The following FRMPD4 variants were observed in gnomAD, a reference collection of about 807,000 sequenced individuals.
FRMPD4 encodes FERM and PDZ domain containing 4.
A neutral mutation model predicts 94.1 loss-of-function variants in FRMPD4; 22 were observed. That is an observed-to-expected ratio of 0.23 (90% CI 0.17 to 0.33). FRMPD4 has a LOEUF of 0.33. Among genes scored for constraint, FRMPD4 ranks in the 10% least tolerant of loss-of-function variants. The pLI is 1.00. For synonymous variants in FRMPD4, 631 were observed against 548.6 expected (o/e 1.15, Z -2.10); for missense variants, 1,111 against 1,339.9 (o/e 0.83, Z 2.67).
intron 1 of FRMPD4, among the ~76,000 whole-genome samples, chrX:12,228,268 C>T (rs1372127393): frequency 8.9e-6 from 1 of 112,397 alleles, no homozygotes; most frequent in Non-Finnish European, 1.9e-5. Context: ...TTAAACTTGT[C>T]TTTCCTAAAC....
At chrX:12,084,237 G>T (rs901965773) in intron 3 of FRMPD4, among the ~76,000 whole-genome samples, 4 of 107,286 alleles carry the variant, frequency 3.7e-5, no homozygotes, top group Non-Finnish European at 7.7e-5. Context: ...TCATGATAAT[G>T]AATAACTCTC....
intron 1 of FRMPD4, among the ~76,000 whole-genome samples, chrX:11,847,065 A>C (rs777263432): frequency 2.3e-3 from 249 of 107,258 alleles, no homozygotes; most frequent in African/African-American, 7.9e-3. Flanking sequence ...TCTGCACAGC[A>C]AAAGAAACTA....
chrX:12,452,635 A>T (rs10521625), intron 1 of FRMPD4, among the ~76,000 whole-genome samples: 4,811 of 112,286 alleles, frequency 0.043, 275 homozygotes, highest in African/African-American at 0.15. Flanking sequence ...CAAATTGAAT[A>T]TCAGTTAAAA....
chrX:12,696,586 C>CAAA (rs57877846), intron 9 of FRMPD4, among the ~76,000 whole-genome samples: 29 of 30,049 alleles, frequency 9.7e-4, no homozygotes, highest in African/African-American at 2.5e-3. Context: ...AAAAATGAAG[C>CAAA]AAAAAAAAAA....
chrX:12,316,211 A>G (rs933218701), intron 1 of FRMPD4, among the ~76,000 whole-genome samples: 1 of 111,161 alleles, frequency 9.0e-6, no homozygotes. Context: ...CAGTGGCACG[A>G]TCTCAGCTCA....
chrX:12,229,974 G>C (rs1253223990), intron 1 of FRMPD4, among the ~76,000 whole-genome samples: 1 of 111,512 alleles, frequency 9.0e-6, no homozygotes, highest in Non-Finnish European at 1.9e-5. Flanking sequence ...TGAATCTTTT[G>C]ACCCCACCTT....
intron 3 of FRMPD4, among the ~76,000 whole-genome samples, chrX:12,118,652 T>A (rs932753855): frequency 8.9e-6 from 1 of 111,743 alleles, no homozygotes; most frequent in Non-Finnish European, 1.9e-5. Context: ...CCCACACCTG[T>A]GCCATCCGGT....
In FRMPD4 at chrX:11,969,865, C is replaced by A. The variant is rs775263808; in HGVS notation, c.95+91847C>A. ...AGTTGCTTTATCCTTTCTCTCCCTA[C>A]CCCCTCATTTTGTTTCTCTCCACTC... On this transcript the variant is annotated intron_variant, in intron 3 of 18. Transcript: ENST00000640291. Among the ~76,000 whole-genome samples, 4 of 111,644 alleles carry A rather than the reference C, an allele frequency of 3.6e-5. No individual in the cohort carries two copies. The South Asian group carries it at 1.5e-3, about 43-fold the overall frequency.
chrX:12,185,935 G>A (rs1456792233), intron 1 of FRMPD4, among the ~76,000 whole-genome samples: 1 of 111,670 alleles, frequency 9.0e-6, no homozygotes, highest in Non-Finnish European at 1.9e-5. Context: ...ATGATCTGCA[G>A]TCTTGTAGAT....
In FRMPD4 at chrX:12,267,736, C is replaced by T. The variant is rs761810229; in HGVS notation, c.41+128724C>T. Among the ~76,000 whole-genome samples the T allele has an allele frequency of 1.1e-4, 12 of 112,692 alleles. No homozygotes were observed. In the South Asian group the frequency reaches 4.4e-3, roughly 41 times the overall value. On this transcript the variant is annotated intron_variant, in intron 1 of 16. Coordinates refer to ENST00000675598, the MANE Select transcript of FRMPD4 (RefSeq NM_001368397.1). ...AAGCAAAGTCTGTGGAAAGTGAACACTGAGCAGAGGGGGAAAGGTTGATGC... is the reference window on the plus strand; with the variant it reads ...AAGCAAAGTCTGTGGAAAGTGAACATTGAGCAGAGGGGGAAAGGTTGATGC...
intron 3 of FRMPD4, among the ~76,000 whole-genome samples, chrX:12,053,391 AAAG>A (rs2054832823): frequency 9.9e-6 from 1 of 100,869 alleles, no homozygotes; most frequent in Non-Finnish European, 2.0e-5. Context: ...AGAAAGAAAG[AAAG>A]AAAGAAAGAA....
chrX:11,865,833 C>T (rs1237915539), intron 2 of FRMPD4, among the ~76,000 whole-genome samples: 1 of 112,053 alleles, frequency 8.9e-6, no homozygotes, highest in Non-Finnish European at 1.9e-5. Context: ...TCAACTGACT[C>T]ATACAAGTCT....
intron 6 of FRMPD4, among the ~76,000 whole-genome samples, chrX:12,684,128 G>T (rs1472777479): frequency 8.9e-6 from 1 of 111,869 alleles, no homozygotes; most frequent in Non-Finnish European, 1.9e-5. Context: ...TCCATAAATA[G>T]GTCCTGATAG....
In FRMPD4 at chrX:11,934,842, A is replaced by G. The variant is rs1385354027; in HGVS notation, c.95+56824A>G. The stretch of plus-strand genomic sequence containing the variant: ...GAATGATGTCCTTGAAGTTCATAGC[A>G]ATTGCTATTCAAGACAAGATCGTTT... On this transcript the variant is annotated intron_variant, in intron 3 of 18. Transcript: ENST00000640291. Among the ~76,000 whole-genome samples, 4 of 110,935 alleles carry G rather than the reference A, an allele frequency of 3.6e-5. No homozygotes were observed. In the Admixed American group the frequency reaches 3.8e-4, roughly 11 times the overall value.
chrX:11,990,072 GATAA>G (rs2054455816), intron 3 of FRMPD4, among the ~76,000 whole-genome samples: 1 of 112,006 alleles, frequency 8.9e-6, no homozygotes, highest in East Asian at 2.8e-4. Context: ...TCCATCAATG[GATAA>G]ATAAATAAGC....
intron 3 of FRMPD4, among the ~76,000 whole-genome samples, chrX:11,978,273 G>T (rs2054378017): frequency 1.2e-5 from 1 of 86,454 alleles, no homozygotes; most frequent in South Asian, 8.2e-4. Flanking sequence ...AGTGAGCCAG[G>T]ATTGTGCCAC....
intron 1 of FRMPD4, among the ~76,000 whole-genome samples, chrX:12,468,062 A>G (rs1363924034): frequency 8.9e-6 from 1 of 112,280 alleles, no homozygotes; most frequent in Non-Finnish European, 1.9e-5. Flanking sequence ...AATGACCAAA[A>G]TAAGTGAAGA....
intron 3 of FRMPD4, among the ~76,000 whole-genome samples, chrX:12,038,828 AT>A (rs1343706258): frequency 5.5e-4 from 61 of 110,200 alleles, no homozygotes; most frequent in Admixed American, 2.3e-3. Flanking sequence ...TGTTTCTTCT[AT>A]TTTTTTGTCA....
chrX:12,086,885 T>A (rs2055115404), intron 3 of FRMPD4, among the ~76,000 whole-genome samples: 1 of 111,164 alleles, frequency 9.0e-6, no homozygotes, highest in African/African-American at 3.3e-5. Context: ...GTTCACCTGG[T>A]TGTAGGCAGA....
Sources: gnomAD v4.1 joint callset for allele counts (sites outside exome capture counted in the v4.1 genomes callset) on GRCh38, gnomAD v4.1.1 for gene constraint, MANE v1.5 for transcripts, NCBI Gene and HGNC (gene_info 2026-07-23, HGNC 2026-07-21) for gene names.